Variants in METTL24 observed in about 807,000 individuals in gnomAD.
The protein encoded by METTL24 is methyltransferase like 24.
METTL24 carries 29 observed loss-of-function variants against 32.7 expected under a neutral mutation model. That is an observed-to-expected ratio of 0.89 (90% confidence interval 0.66 to 1.21). The LOEUF (loss-of-function observed/expected upper bound fraction) is 1.21, where lower values mean the gene tolerates loss of function less well. METTL24 is among the 50% of genes most tolerant of loss of function. The pLI, the probability that METTL24 is intolerant of heterozygous loss-of-function variation, is 0.00. For synonymous variants in METTL24, 163 were observed against 179.5 expected (o/e 0.91, Z 0.73); for missense variants, 439 against 468.1 (o/e 0.94, Z 0.57).
Position 110,244,096 on chromosome 6 carries a change from C to T in METTL24, c.*1850G>A, listed in dbSNP as rs928054057. ...AGGATCGGTGCTATTGAAAAACTGT[C>T]TAACTATCCTACGAAAGTGAGACGA... is the stretch of plus-strand genomic sequence containing the variant. On this transcript the variant is annotated 3_prime_UTR_variant, in exon 5 of 5. Coordinates refer to ENST00000338882, the MANE Select transcript of METTL24 (RefSeq NM_001123364.3). Among the ~76,000 whole-genome samples, 3 of 152,190 alleles carry T rather than the reference C, an allele frequency of 2.0e-5. No homozygotes were observed. In the South Asian group the frequency reaches 6.2e-4, roughly 32 times the overall value.
chr6:110,265,834 T>G (rs1447252748), intron 4 of METTL24, among the ~76,000 whole-genome samples: 1 of 152,010 alleles, frequency 6.6e-6, no homozygotes, highest in African/African-American at 2.4e-5. Flanking sequence ...AATTTTTCTT[T>G]TTTATTCCTC....
chr6:110,343,131 T>G (rs1772393381), intron 1 of METTL24, among the ~76,000 whole-genome samples: 1 of 152,172 alleles, frequency 6.6e-6, no homozygotes, highest in South Asian at 2.1e-4. Context: ...TCACCCTCCG[T>G]GTACCCATTT....
At chr6:110,283,842 T>C (rs1771176969) in intron 4 of METTL24, among the ~76,000 whole-genome samples, 1 of 152,160 alleles carries the variant, frequency 6.6e-6, no homozygotes, top group South Asian at 2.1e-4. Context: ...CCAAAATAAC[T>C]GAAAGCATGG....
At chr6:110,322,642 A>G in intron 2 of METTL24, 132 bp downstream of exon 2, 2 of 629,850 alleles carry the variant, frequency 3.2e-6, no homozygotes, top group Non-Finnish European at 5.5e-6. Context: ...TTAAGCAACA[A>G]TGCCTCTGAA....
At chr6:110,305,731 G>C (rs924804613) in intron 3 of METTL24, among the ~76,000 whole-genome samples, 2 of 152,032 alleles carry the variant, frequency 1.3e-5, no homozygotes, top group Non-Finnish European at 2.9e-5. Flanking sequence ...GTTGGTGGGA[G>C]TGTAAATTAG....
At chr6:110,322,709 C>A in intron 2 of METTL24, 65 bp downstream of exon 2, 1 of 1,392,926 alleles carries the variant, frequency 7.2e-7, no homozygotes, top group Non-Finnish European at 1.0e-6. Flanking sequence ...CCACCTCCTT[C>A]TTTCAAAAGA....
At chr6:110,318,943 T>C (rs974652202) in intron 2 of METTL24, among the ~76,000 whole-genome samples, 2 of 152,228 alleles carry the variant, frequency 1.3e-5, no homozygotes, top group Non-Finnish European at 2.9e-5. Context: ...CTCTCTTTAA[T>C]TCCCCTTGTA....
intron 1 of METTL24, among the ~76,000 whole-genome samples, chr6:110,350,393 C>T (rs1772570958): frequency 6.6e-6 from 1 of 152,110 alleles, no homozygotes; most frequent in Non-Finnish European, 1.5e-5. Context: ...ACTTGCAACC[C>T]AGAGAGTCCT....
chr6:110,320,809 G>C (rs936203815), intron 2 of METTL24, among the ~76,000 whole-genome samples: 46 of 152,248 alleles, frequency 3.0e-4, no homozygotes, highest in African/African-American at 1.0e-3. Context: ...CACAGTACAA[G>C]CTCACAGAAC....
intron 1 of METTL24, among the ~76,000 whole-genome samples, chr6:110,329,670 A>T (rs919516871): frequency 1.9e-4 from 29 of 152,110 alleles, no homozygotes; most frequent in Admixed American, 1.9e-3. Flanking sequence ...GTGCAGTTTC[A>T]CGTGCCTTCC....
chr6:110,281,753 G>T (rs1771140874), intron 4 of METTL24, among the ~76,000 whole-genome samples: 1 of 150,838 alleles, frequency 6.6e-6, no homozygotes, highest in Non-Finnish European at 1.5e-5. Context: ...GTATATTCCT[G>T]AGCACTTAGT....
intron 1 of METTL24, among the ~76,000 whole-genome samples, chr6:110,339,132 A>G (rs140523029): frequency 8.5e-5 from 13 of 152,274 alleles, no homozygotes; most frequent in African/African-American, 2.9e-4. Context: ...GCTTCAGTGT[A>G]CCTTAAAACA....
chr6:110,275,447 G>T (rs778836792), intron 4 of METTL24, among the ~76,000 whole-genome samples: 11 of 151,908 alleles, frequency 7.2e-5, no homozygotes, highest in Non-Finnish European at 1.3e-4. Context: ...TTCTACCTTT[G>T]GTAAATTCCT....
At chr6:110,246,971 CA>C (rs1778178721) in intron 4 of METTL24, among the ~76,000 whole-genome samples, 1 of 147,162 alleles carries the variant, frequency 6.8e-6, no homozygotes, top group Admixed American at 6.8e-5. Context: ...AAAGCAGTAA[CA>C]CCATCCTCTG....
rs946140609 is a variant in METTL24 at position 110,303,579 on chromosome 6, C to T, written c.558-4429G>A. Among the ~76,000 whole-genome samples the T allele has an allele frequency of 4.6e-5, 7 of 152,168 alleles. No individual in the cohort carries two copies. The South Asian group carries it at 6.2e-4, about 14-fold the overall frequency. ...TTGGACTGGGCAGAGCCCACCACGG[C>T]GCCTCAAAGCTGCTGTAGCCAGACT... On this transcript the variant is annotated intron_variant, in intron 3 of 4. Transcript: ENST00000338882.
At chr6:110,306,442 A>T (rs1771629704) in intron 3 of METTL24, among the ~76,000 whole-genome samples, 1 of 151,882 alleles carries the variant, frequency 6.6e-6, no homozygotes, top group Non-Finnish European at 1.5e-5. Context: ...TCTTTCCAGA[A>T]ATTTTCTACC....
chr6:110,344,103 C>T (rs1487431020), intron 1 of METTL24, among the ~76,000 whole-genome samples: 3 of 152,178 alleles, frequency 2.0e-5, no homozygotes, highest in Non-Finnish European at 2.9e-5. Flanking sequence ...AACAATGCAA[C>T]GGTTATGTTA....
At chr6:110,276,705 G>A (rs1771053386) in intron 4 of METTL24, among the ~76,000 whole-genome samples, 1 of 152,130 alleles carries the variant, frequency 6.6e-6, no homozygotes, top group Non-Finnish European at 1.5e-5. Context: ...ATTTCTGAAA[G>A]GTTGCCGACA....
intron 3 of METTL24, among the ~76,000 whole-genome samples, chr6:110,308,038 G>C (rs1251395606): frequency 1.3e-4 from 20 of 152,208 alleles, no homozygotes; most frequent in Admixed American, 1.3e-3. Context: ...TAGAATAATA[G>C]TGGAGCCATC....
Sources: gnomAD v4.1 joint callset for allele counts (sites outside exome capture counted in the v4.1 genomes callset) on GRCh38, gnomAD v4.1.1 for gene constraint, MANE v1.5 for transcripts, NCBI Gene and HGNC (gene_info 2026-07-23, HGNC 2026-07-21) for gene names.